CNTNAP2: variants seen among roughly 807,000 people sequenced by gnomAD.
CNTNAP2 encodes the protein contactin associated protein 2, also known as contactin-associated protein-like 2.
A neutral mutation model predicts 155.2 loss-of-function variants in CNTNAP2; 98 were observed. The observed-to-expected ratio is 0.63, with a 90% CI of 0.54 to 0.75. CNTNAP2 has a LOEUF of 0.75. Among genes scored for constraint, CNTNAP2 ranks in the 30% least tolerant of loss-of-function variants. The pLI is 0.00. For synonymous variants in CNTNAP2, 651 were observed against 631.2 expected (o/e 1.03, Z -0.47); for missense variants, 1,727 against 1,688.1 (o/e 1.02, Z -0.40).
At chr7:147,284,676 C>T (rs1162009804) in intron 8 of CNTNAP2, among the ~76,000 whole-genome samples, 1 of 151,940 alleles carries the variant, frequency 6.6e-6, no homozygotes, top group Non-Finnish European at 1.5e-5. Context: ...TGTTACTTCA[C>T]TCACATAAAT....
rs531512197 is a variant in CNTNAP2, at chr7:146,191,567, G to C, written c.97+74594G>C. On this transcript the variant is annotated intron_variant, in intron 1 of 23. Transcript: ENST00000361727. ...GTCCTAATAGGCCTGGGAGTGCTACGGGAGACCAGGGCTTATTTCATCCCT... is the reference window on the plus strand; with the variant it reads ...GTCCTAATAGGCCTGGGAGTGCTACCGGAGACCAGGGCTTATTTCATCCCT... Among the ~76,000 whole-genome samples the C allele has an allele frequency of 1.6e-3, 245 of 152,204 alleles. 2 individuals are homozygous for C. The highest frequency in any genetic ancestry group is 5.7e-3 in the African/African-American group (238 of 41,548).
chr7:147,251,433 G>A (rs1216837690), intron 8 of CNTNAP2, among the ~76,000 whole-genome samples: 2 of 150,966 alleles, frequency 1.3e-5, no homozygotes, highest in Non-Finnish European at 3.0e-5. Flanking sequence ...AGTCAAAACA[G>A]ATAGGTAGGT....
Position 146,946,743 on chromosome 7 carries a change from C to A in CNTNAP2, c.403-97164C>A, listed in dbSNP as rs577600333. 3.3e-5 allele frequency among the ~76,000 whole-genome samples: 5 copies of A among 151,984 alleles called. No homozygotes were observed. The South Asian group carries it at 1.0e-3, about 32-fold the overall frequency. ...AGGAGAAGTAAATTTATTCCTGTAG[C>A]GTAAAAAGCCATGCTTCAGGATTTG... On this transcript the variant is annotated intron_variant, in intron 3 of 23. Coordinates refer to ENST00000361727, the MANE Select transcript of CNTNAP2 (RefSeq NM_014141.6).
At chr7:146,298,009 A>G (rs1238010386) in intron 1 of CNTNAP2, among the ~76,000 whole-genome samples, 1 of 152,188 alleles carries the variant, frequency 6.6e-6, no homozygotes, top group Admixed American at 6.5e-5. Context: ...AAAACGTGAG[A>G]TGCTGTGAGC....
intron 1 of CNTNAP2, among the ~76,000 whole-genome samples, chr7:146,321,899 A>T (rs1207377440): frequency 6.6e-6 from 1 of 152,156 alleles, no homozygotes; most frequent in African/African-American, 2.4e-5. Flanking sequence ...TTTTTTTCAC[A>T]GCAATTTTAC....
intron 1 of CNTNAP2, among the ~76,000 whole-genome samples, chr7:146,489,878 CTGACT>C (rs1397261357): frequency 6.6e-6 from 1 of 151,952 alleles, no homozygotes; most frequent in Non-Finnish European, 1.5e-5. Context: ...GGGGAGTGTG[CTGACT>C]GGTTTGAGTA....
At chr7:147,020,750 T>C (rs1235978917) in intron 3 of CNTNAP2, among the ~76,000 whole-genome samples, 3 of 152,130 alleles carry the variant, frequency 2.0e-5, no homozygotes, top group African/African-American at 4.8e-5. Flanking sequence ...CTTTTTAAAA[T>C]ATATCAGGGG....
intron 8 of CNTNAP2, among the ~76,000 whole-genome samples, chr7:147,157,084 A>T (rs1801940223): frequency 6.6e-6 from 1 of 152,080 alleles, no homozygotes; most frequent in African/African-American, 2.4e-5. Flanking sequence ...CCAAGAAAAC[A>T]GAATATTTTC....
At chr7:147,652,310 T>C (rs1455200622) in intron 13 of CNTNAP2, among the ~76,000 whole-genome samples, 1 of 152,216 alleles carries the variant, frequency 6.6e-6, no homozygotes, top group Non-Finnish European at 1.5e-5. Context: ...CTTCATCCCG[T>C]ATCTTAAAAT....
chr7:146,945,770 A>G (rs1797152931), intron 3 of CNTNAP2, among the ~76,000 whole-genome samples: 1 of 152,176 alleles, frequency 6.6e-6, no homozygotes, highest in African/African-American at 2.4e-5. Context: ...CTTAAAATCC[A>G]TGTTGGAAAT....
chr7:147,396,264 A>G (rs558157086), intron 10 of CNTNAP2, among the ~76,000 whole-genome samples: 1 of 151,278 alleles, frequency 6.6e-6, no homozygotes, highest in East Asian at 1.9e-4. Flanking sequence ...TGAGCCTTCA[A>G]TAAGTAGTTT....
chr7:146,552,602 A>G (rs779968441), intron 1 of CNTNAP2, among the ~76,000 whole-genome samples: 36 of 151,782 alleles, frequency 2.4e-4, no homozygotes, highest in Admixed American at 7.2e-4. Flanking sequence ...CCCTCCTCTA[A>G]CGACTTTCCT....
At chr7:147,597,398 G>T (rs930097499) in intron 12 of CNTNAP2, among the ~76,000 whole-genome samples, 3 of 152,076 alleles carry the variant, frequency 2.0e-5, no homozygotes, top group Non-Finnish European at 4.4e-5. Flanking sequence ...TTTTGACACG[G>T]TCCATGTTCA....
At chr7:146,271,871 C>T (rs1800087783) in intron 1 of CNTNAP2, among the ~76,000 whole-genome samples, 1 of 152,044 alleles carries the variant, frequency 6.6e-6, no homozygotes, top group Non-Finnish European at 1.5e-5. Flanking sequence ...AAATATTTTA[C>T]AATTTTTAAA....
rs545545865 is a variant in CNTNAP2, at chr7:148,275,885, C to G, written c.3475+8759C>G. ...ACCCTACCTCTTGGTGGCATCGTAG[C>G]CAGGTCACATTGCAAAGAAACATGC... On this transcript the variant is annotated intron_variant, in intron 21 of 23. Coordinates refer to ENST00000361727, the MANE Select transcript of CNTNAP2 (RefSeq NM_014141.6). Among the ~76,000 whole-genome samples the G allele has an allele frequency of 2.5e-3, 381 of 152,250 alleles. 1 individual carries two copies. Among genetic ancestry groups the G allele is most frequent in the Non-Finnish European group, 4.3e-3 (292 of 68,004 alleles).
chr7:147,575,290 G>A (rs116406887), intron 12 of CNTNAP2, among the ~76,000 whole-genome samples: 1 of 142,666 alleles, frequency 7.0e-6, no homozygotes, highest in Middle Eastern at 3.6e-3. Flanking sequence ...ATATGTGTGT[G>A]TGTATTCCCT....
chr7:146,530,333 G>A (rs1157109461), intron 1 of CNTNAP2, among the ~76,000 whole-genome samples: 1 of 152,112 alleles, frequency 6.6e-6, no homozygotes, highest in African/African-American at 2.4e-5. Context: ...AAGATTTCAT[G>A]ATGGTGACAT....
chr7:147,539,041 T>C (rs1799596617), intron 11 of CNTNAP2, among the ~76,000 whole-genome samples: 1 of 152,182 alleles, frequency 6.6e-6, no homozygotes, highest in Admixed American at 6.5e-5. Context: ...TTTTAGGTTA[T>C]CTAGACAGTT....
At chr7:147,006,310 C>G (rs527370384) in intron 3 of CNTNAP2, among the ~76,000 whole-genome samples, 4 of 152,072 alleles carry the variant, frequency 2.6e-5, no homozygotes, top group African/African-American at 9.6e-5. Context: ...ATGTAGGTGT[C>G]TTCTCAATCC....
Sources: allele counts gnomAD v4.1 joint callset (sites outside exome capture counted in the v4.1 genomes callset), GRCh38; gene constraint gnomAD v4.1.1; transcripts MANE v1.5; gene names NCBI Gene and HGNC (gene_info 2026-07-23, HGNC 2026-07-21).